Variants in VPS13B observed in about 807,000 individuals in gnomAD.
VPS13B encodes the protein intermembrane lipid transfer protein VPS13B.
Under a neutral mutation model 426.4 loss-of-function variants are expected in VPS13B, and 285 were observed. The ratio of observed to expected loss-of-function variants is 0.67; its 90% confidence interval spans 0.61 to 0.74. The LOEUF (loss-of-function observed/expected upper bound fraction) is 0.74. VPS13B is among the 30% of genes least tolerant of loss of function. The pLI is 0.00. For synonymous variants in VPS13B, 1,676 were observed against 1,676.4 expected (o/e 1.00, Z 0.01); for missense variants, 4,537 against 4,782.6 (o/e 0.95, Z 1.51).
intron 31 of VPS13B, among the ~76,000 whole-genome samples, chr8:99,565,844 CTCATGCTGGGCACAGTGGT>C (rs932232679): frequency 2.0e-5 from 3 of 152,132 alleles, no homozygotes; most frequent in Non-Finnish European, 2.9e-5. Context: ...GGCACAGTGG[CTCATGCTGGGCACAGTGGT>C]CTCTCACTAC....
intron 24 of VPS13B, 108 bp from the exon 25 acceptor site, chr8:99,481,491 A>G: frequency 3.1e-6 from 4 of 1,278,614 alleles, no homozygotes; most frequent in Non-Finnish European, 1.1e-6. Flanking sequence ...AGTTTGTTTT[A>G]TAAATTTTAT....
chr8:99,151,200 C>A (rs1034786054), intron 14 of VPS13B, among the ~76,000 whole-genome samples: 1 of 152,118 alleles, frequency 6.6e-6, no homozygotes, highest in African/African-American at 2.4e-5. Flanking sequence ...CTCTTCAGAT[C>A]TATTGCCCAT....
intron 35 of VPS13B, among the ~76,000 whole-genome samples, chr8:99,664,412 A>G (rs2129799268): frequency 6.6e-6 from 1 of 151,516 alleles, no homozygotes; most frequent in East Asian, 1.9e-4. Context: ...GGTGTGCTGC[A>G]CCCATTAACT....
chr8:99,427,924 G>A (rs577837028), intron 21 of VPS13B, among the ~76,000 whole-genome samples: 63 of 152,224 alleles, frequency 4.1e-4, no homozygotes, highest in Non-Finnish European at 8.1e-4. Flanking sequence ...GCATGGTACT[G>A]GTACCAAAAC....
At chr8:99,516,308 A>T (rs1453543607) in intron 29 of VPS13B, among the ~76,000 whole-genome samples, 1 of 152,168 alleles carries the variant, frequency 6.6e-6, no homozygotes, top group African/African-American at 2.4e-5. Context: ...GGGAGATTGG[A>T]TGTGTCCATT....
intron 14 of VPS13B, among the ~76,000 whole-genome samples, chr8:99,151,403 T>G (rs1247094326): frequency 6.6e-6 from 1 of 152,226 alleles, no homozygotes; most frequent in Non-Finnish European, 1.5e-5. Flanking sequence ...ATTCTTTGTT[T>G]TATAGATTGT....
At chr8:99,665,998 G>T (rs949375748) in intron 35 of VPS13B, among the ~76,000 whole-genome samples, 10 of 152,044 alleles carry the variant, frequency 6.6e-5, no homozygotes, top group African/African-American at 2.4e-4. Flanking sequence ...ATTTCATTGA[G>T]CAGTGGTTTG....
At chr8:99,683,236 G>T (rs781366248) in intron 35 of VPS13B, among the ~76,000 whole-genome samples, 4 of 152,208 alleles carry the variant, frequency 2.6e-5, no homozygotes, top group East Asian at 1.9e-4. Flanking sequence ...AAACTATACT[G>T]TCTTGATCTT....
chr8:99,026,542 G>C (rs1842144305), intron 2 of VPS13B, among the ~76,000 whole-genome samples: 1 of 152,146 alleles, frequency 6.6e-6, no homozygotes, highest in Non-Finnish European at 1.5e-5. Context: ...TGAGTGGGGT[G>C]TTCAAGTCCC....
chr8:99,420,041 CTTTATTGA>C, intron 21 of VPS13B, among the ~76,000 whole-genome samples: 1 of 152,114 alleles, frequency 6.6e-6, no homozygotes, highest in Non-Finnish European at 1.5e-5. Context: ...AGTCATCCTT[CTTTATTGA>C]TTTAAGTACT....
chr8:99,800,013 C>G (rs1169545489), intron 43 of VPS13B, among the ~76,000 whole-genome samples: 3 of 152,094 alleles, frequency 2.0e-5, no homozygotes, highest in Non-Finnish European at 4.4e-5. Flanking sequence ...GTTAACTCTC[C>G]CACTGAAGAA....
chr8:99,154,158 TG>T (rs201401559), intron 14 of VPS13B, among the ~76,000 whole-genome samples: 6 of 130,612 alleles, frequency 4.6e-5, no homozygotes, highest in South Asian at 2.2e-4. Flanking sequence ...AGGTTTTTTT[TG>T]TTTTTTTTTT....
chr8:99,226,962 C>T (rs890321455), intron 17 of VPS13B, among the ~76,000 whole-genome samples: 13 of 152,016 alleles, frequency 8.6e-5, no homozygotes, highest in African/African-American at 3.1e-4. Flanking sequence ...CCTACTCTGC[C>T]ATCAACATTA....
chr8:99,715,433 T>C (rs1200104129), intron 36 of VPS13B, among the ~76,000 whole-genome samples: 1 of 152,210 alleles, frequency 6.6e-6, no homozygotes, highest in Non-Finnish European at 1.5e-5. Context: ...TCTTTGATGT[T>C]TTAAAATAAT....
chr8:99,163,960 T>A (rs1811841361), intron 15 of VPS13B, among the ~76,000 whole-genome samples: 1 of 152,148 alleles, frequency 6.6e-6, no homozygotes, highest in Admixed American at 6.5e-5. Context: ...CTGTCACCTC[T>A]CAATCCCCCC....
chr8:99,617,524 A>G (rs1210007504), intron 33 of VPS13B, among the ~76,000 whole-genome samples: 1 of 152,050 alleles, frequency 6.6e-6, no homozygotes, highest in Non-Finnish European at 1.5e-5. Context: ...ATGGGGTTTC[A>G]CCAGGTTGGC....
intron 39 of VPS13B, among the ~76,000 whole-genome samples, chr8:99,747,328 AT>A (rs1360471590): frequency 6.6e-6 from 1 of 152,080 alleles, no homozygotes; most frequent in African/African-American, 2.4e-5. Flanking sequence ...AACCAGAATA[AT>A]TTTTTTAAAT....
chr8:99,752,386 A>C (rs1810441222), intron 39 of VPS13B, among the ~76,000 whole-genome samples: 1 of 152,184 alleles, frequency 6.6e-6, no homozygotes, highest in Non-Finnish European at 1.5e-5. Flanking sequence ...TGTGGGCCAA[A>C]TCTAGCCCAC....
intron 51 of VPS13B, among the ~76,000 whole-genome samples, chr8:99,827,609 T>C (rs1432387616): frequency 6.6e-6 from 1 of 151,990 alleles, no homozygotes; most frequent in Non-Finnish European, 1.5e-5. Flanking sequence ...CTTAGTTATT[T>C]CTTGTCTTCT....
Sources: gnomAD v4.1 joint callset for allele counts (sites outside exome capture counted in the v4.1 genomes callset) on GRCh38, gnomAD v4.1.1 for gene constraint, MANE v1.5 for transcripts, NCBI Gene and HGNC (gene_info 2026-07-23, HGNC 2026-07-21) for gene names.